Variants in PMS2 observed in about 807,000 individuals in gnomAD.
PMS2 encodes mismatch repair endonuclease PMS2.
In PMS2, 69 loss-of-function variants were observed where a neutral mutation model predicts 90.0. That is an observed-to-expected ratio of 0.77 (90% CI 0.63 to 0.94). PMS2 has a LOEUF of 0.94. Ranked by LOEUF, PMS2 falls within the 40% of genes least tolerant of loss-of-function variation. The pLI, the probability that PMS2 is intolerant of heterozygous loss-of-function variation, is 0.00. For synonymous variants in PMS2, 332 were observed against 375.1 expected, an observed-to-expected ratio of 0.89 and a Z score of 1.33; for missense variants, 966 against 1,040.2, an observed-to-expected ratio of 0.93 and a Z score of 0.98.
chr7:5,998,538 C>CA (rs1346931441), intron 6 of PMS2, among the ~76,000 whole-genome samples: 1 of 148,920 alleles, frequency 6.7e-6, no homozygotes, highest in Non-Finnish European at 1.5e-5. Context: ...ACTAAAAATA[C>CA]AAAAAATTAG....
intron 1 of PMS2, among the ~76,000 whole-genome samples, chr7:6,008,524 C>A (rs1242412117): frequency 6.6e-6 from 1 of 151,986 alleles, no homozygotes; most frequent in Non-Finnish European, 1.5e-5. Flanking sequence ...CCAAGGCGGG[C>A]GGATTGCTTG....
rs1244887287 is a variant in PMS2, at chr7:6,007,004, A to G, written c.24-973T>C. Among the ~76,000 whole-genome samples, 3 of 152,214 alleles carry G rather than the reference A, an allele frequency of 2.0e-5. No individual in the cohort carries two copies. The East Asian group carries it at 5.8e-4, about 29-fold the overall frequency. On this transcript the variant is annotated intron_variant, in intron 1 of 14. Coordinates refer to ENST00000265849, the MANE Select transcript of PMS2 (RefSeq NM_000535.7). ...TAGTGCCCCACTTCCTACTATATGAAAGTTAAAATTTAGTCATCATTGGGG... is the reference window on the plus strand; with the variant it reads ...TAGTGCCCCACTTCCTACTATATGAGAGTTAAAATTTAGTCATCATTGGGG...
At chr7:5,982,010 AC>A (rs1464437143) in intron 12 of PMS2, among the ~76,000 whole-genome samples, 1 of 151,810 alleles carries the variant, frequency 6.6e-6, no homozygotes, top group Non-Finnish European at 1.5e-5. Context: ...ACACATATAA[AC>A]TATTAGGTCT....
chr7:6,009,016 C>T lies in PMS2; in HGVS notation c.4G>A (p.Glu2Lys), dbSNP rs1554309080. The change falls in exon 1 of 15, where the codon GAG becomes AAG. Residue 2 changes from glutamate (E) to lysine (K), a missense_variant. Around this residue, in one of 2 missense-constraint regions of PMS2, gnomAD observed 871 missense variants for 802.4 expected, o/e 1.09. Coordinates refer to ENST00000265849, the MANE Select transcript of PMS2 (RefSeq NM_000535.7). Reference protein sequence around the residue: MERAESSSTEPA... With the variant: MKRAESSSTEPA... ...GCTCACCTCGAGCTCTCAGCTCGCT[C>T]CATGGATGCAACACCCGATCCGCCT... 1 of 1,612,598 alleles carries T rather than the reference C, an allele frequency of 6.2e-7. No individual in the cohort carries two copies. Among genetic ancestry groups the T allele is most frequent in the Non-Finnish European group, 8.5e-7 (1 of 1,179,846 alleles).
intron 9 of PMS2, among the ~76,000 whole-genome samples, chr7:5,991,718 A>G (rs1237829643): frequency 1.3e-5 from 2 of 152,020 alleles, no homozygotes; most frequent in Non-Finnish European, 2.9e-5. Context: ...ACGCACCTGT[A>G]GTCCCAGCTA....
intron 11 of PMS2, 122 bp downstream of exon 11, chr7:5,986,637 A>G: frequency 2.7e-6 from 2 of 730,766 alleles, no homozygotes; most frequent in Non-Finnish European, 4.3e-6. Flanking sequence ...GGCTGCAGTG[A>G]GCCAAGATCA....
rs188457341 is a variant in PMS2, at chr7:5,978,822, C to T, written c.2175-126G>A. On this transcript the variant is annotated intron_variant, in intron 12 of 14. Coordinates refer to ENST00000265849, the MANE Select transcript of PMS2 (RefSeq NM_000535.7). ...GTCAAAATAACAACACAAATAACAA[C>T]ACTACTCAGCTAAGTGTCACAAAAC... is the stretch of plus-strand genomic sequence containing the variant. 5.4e-4 allele frequency: 638 copies of T among 1,187,566 alleles called. 26 individuals are homozygous for T. In the African/African-American group the frequency reaches 8.8e-3, roughly 16 times the overall value. The allele number at this position is 1,187,566 out of a possible 1,614,324, so 73.6% of individuals were successfully genotyped here.
chr7:5,986,109 G>T (rs1782831186), intron 11 of PMS2, among the ~76,000 whole-genome samples: 1 of 144,014 alleles, frequency 6.9e-6, no homozygotes, highest in Non-Finnish European at 1.5e-5. Flanking sequence ...CCAGTACATA[G>T]ATAATCTGCT....
chr7:6,005,968 C>T lies in PMS2; in HGVS notation c.87G>A (p.Gly29=), dbSNP rs876659642. 1.2e-6 allele frequency: 2 copies of T among 1,610,654 alleles called. No homozygotes were observed. Among genetic ancestry groups the T allele is most frequent in the Non-Finnish European group, 1.7e-6 (2 of 1,179,816 alleles). ...DRKSVHQICS[G]QVVLSLSTAV... is the part of the protein sequence containing the mutation. Reference sequence around the variant, plus strand: ...CAGTGCTTAGACTCAGTACCACCTGCCCAGAGCAAATCTGATGGACTGACT... The same window carrying T: ...CAGTGCTTAGACTCAGTACCACCTGTCCAGAGCAAATCTGATGGACTGACT... Residue 29 remains glycine (G), a synonymous_variant, in exon 2 of 15, where the codon GGG becomes GGA. Transcript: ENST00000265849.
chr7:5,992,356 G>T (rs370859803), intron 8 of PMS2, among the ~76,000 whole-genome samples: 2 of 144,602 alleles, frequency 1.4e-5, no homozygotes, highest in Non-Finnish European at 3.0e-5. Context: ...TCTCGCTCTT[G>T]TTACCCAGAC....
intron 7 of PMS2, among the ~76,000 whole-genome samples, chr7:5,996,428 A>G (rs1040702924): frequency 6.6e-6 from 1 of 151,552 alleles, no homozygotes; most frequent in Non-Finnish European, 1.5e-5. Context: ...GGTGGTGAAC[A>G]CCTGTAGTCC....
In PMS2 at chr7:5,987,556, G is replaced by T. The variant is rs147399413; in HGVS notation, c.1209C>A (p.Ser403=). Residue 403 remains serine, a synonymous_variant, in exon 11 of 15, where the codon TCC becomes TCA. Coordinates refer to ENST00000265849, the MANE Select transcript of PMS2 (RefSeq NM_000535.7). The part of the protein sequence containing the change: ...EKPMVEKQDQ[S]PSLRTGEEKK... ...TTTCTTCTCCAGTCCTTAATGAAGG[G>T]GATTGATCCTGCTTTTCTACCATGG... The T allele has an allele frequency of 6.2e-7, 1 of 1,613,664 alleles. No homozygotes were observed. Among genetic ancestry groups the T allele is most frequent in the South Asian group, 1.1e-5 (1 of 91,076 alleles).
At chr7:5,984,412 T>C (rs1196913468) in intron 11 of PMS2, among the ~76,000 whole-genome samples, 1 of 151,626 alleles carries the variant, frequency 6.6e-6, no homozygotes, top group African/African-American at 2.4e-5. Context: ...CCGGTGAAAA[T>C]GGATTTTCCG....
intron 8 of PMS2, among the ~76,000 whole-genome samples, chr7:5,995,294 C>G (rs1319863378): frequency 1.3e-5 from 2 of 152,180 alleles, no homozygotes; most frequent in African/African-American, 4.8e-5. Context: ...GCCTCGGCCT[C>G]CCAAAGTGCT....
intron 9 of PMS2, among the ~76,000 whole-genome samples, chr7:5,991,425 G>GA (rs1346255882): frequency 6.6e-6 from 1 of 151,500 alleles, no homozygotes; most frequent in Non-Finnish European, 1.5e-5. Context: ...AATTATTTAT[G>GA]AAATTAGGAA....
chr7:5,999,274 T>C lies in PMS2; in HGVS notation c.539A>G (p.Glu180Gly). Residue 180 changes from glutamate to glycine, a missense_variant and splice_region_variant, in exon 6 of 15, where the codon GAG becomes GGG. Glu to Gly is a moderately conservative substitution (Grantham distance 98, BLOSUM62 -2). Coordinates refer to ENST00000265849, the MANE Select transcript of PMS2 (RefSeq NM_000535.7). Reference protein sequence around the residue: ...HKEFQRNIKKEYAKMVQVLHA... With the variant: ...HKEFQRNIKKGYAKMVQVLHA... The stretch of plus-strand genomic sequence containing the variant: ...TAAGACCTGGACCATTTTGGCATAC[T>C]CCTGTTTAAAAAACACAAACACAAT... 1.2e-6 allele frequency: 2 copies of C among 1,613,502 alleles called. No individual in the cohort carries two copies. The highest frequency in any genetic ancestry group is 4.5e-5 in the East Asian group (2 of 44,864).
intron 2 of PMS2, 30 bp from the exon 3 acceptor site, chr7:6,004,088 T>C: frequency 8.2e-7 from 1 of 1,221,552 alleles, no homozygotes; most frequent in East Asian, 2.3e-5. Context: ...TACATATTTA[T>C]TAAAAACGGA....
chr7:5,983,535 AT>A (rs948552913), intron 11 of PMS2, among the ~76,000 whole-genome samples: 5 of 151,764 alleles, frequency 3.3e-5, no homozygotes, highest in Non-Finnish European at 5.9e-5. Context: ...TCCATATATA[AT>A]TTTTTTTAAT....
intron 5 of PMS2, among the ~76,000 whole-genome samples, chr7:6,000,321 C>T (rs150178941): frequency 6.5e-4 from 97 of 148,360 alleles, no homozygotes; most frequent in African/African-American, 2.2e-3. Context: ...CTGCGGTAAG[C>T]TGAGATTGTG....
Sources: allele counts gnomAD v4.1 joint callset (sites outside exome capture counted in the v4.1 genomes callset), GRCh38; gene constraint gnomAD v4.1.1; regional missense constraint gnomAD v4.1.1; transcripts MANE v1.5; gene names NCBI Gene and HGNC (gene_info 2026-07-23, HGNC 2026-07-21).